The following ACACA variants were observed in gnomAD, a reference collection of about 807,000 sequenced individuals.
ACACA encodes the protein acetyl-CoA carboxylase alpha.
Under a neutral mutation model 296.1 loss-of-function variants are expected in ACACA, and 103 were observed. The ratio of observed to expected loss-of-function variants is 0.35; its 90% confidence interval spans 0.30 to 0.41. The LOEUF is 0.41. Ranked by LOEUF, ACACA falls within the 10% of genes least tolerant of loss-of-function variation. The probability of loss-of-function intolerance (pLI) is 1.00; values close to 1 mark genes in which losing one functional copy is unlikely to be tolerated. For synonymous variants in ACACA, 953 were observed against 1,038.6 expected (o/e 0.92, Z 1.58); for missense variants, 1,554 against 2,989.7 (o/e 0.52, Z 11.20).
chr17:37,224,959 G>C, intron 27 of ACACA, 33 bp downstream of exon 27: 1 of 1,032,212 alleles, frequency 9.7e-7, no homozygotes, highest in Non-Finnish European at 1.3e-6. Flanking sequence ...AGATAGGCAG[G>C]AAAGGGTTAT....
chr17:37,175,745 CCTACT>C (rs2077088500), intron 41 of ACACA, among the ~76,000 whole-genome samples: 2 of 152,144 alleles, frequency 1.3e-5, no homozygotes, highest in Non-Finnish European at 2.9e-5. Context: ...CTTTTTTATT[CCTACT>C]CTAAAGTCAT....
intron 45 of ACACA, among the ~76,000 whole-genome samples, chr17:37,144,891 T>G (rs1159658586): frequency 6.6e-6 from 1 of 152,144 alleles, no homozygotes; most frequent in Non-Finnish European, 1.5e-5. Context: ...ATCTATCACC[T>G]GCATATCACT....
chr17:37,311,722 A>G (rs1189096286), intron 3 of ACACA, among the ~76,000 whole-genome samples: 1 of 152,024 alleles, frequency 6.6e-6, no homozygotes, highest in Non-Finnish European at 1.5e-5. Flanking sequence ...AAAGCTTCAT[A>G]TTAGTTGGGC....
At chr17:37,115,458 A>G (rs1489084896) in intron 50 of ACACA, among the ~76,000 whole-genome samples, 1 of 152,194 alleles carries the variant, frequency 6.6e-6, no homozygotes, top group East Asian at 1.9e-4. Flanking sequence ...AGATAAAAGG[A>G]GAAAATAAAG....
intron 1 of ACACA, among the ~76,000 whole-genome samples, chr17:37,357,685 T>TG (rs768176941): frequency 2.2e-4 from 34 of 152,210 alleles, no homozygotes; most frequent in East Asian, 7.7e-4. Context: ...GCAAGAGAAG[T>TG]GGGAAAAAAC....
intron 1 of ACACA, among the ~76,000 whole-genome samples, chr17:37,366,343 A>G (rs1278410554): frequency 6.6e-6 from 1 of 152,164 alleles, no homozygotes; most frequent in Non-Finnish European, 1.5e-5. Context: ...AACATTAATA[A>G]TTTTGTAGAG....
In ACACA at chr17:37,211,587, T is replaced by G. The variant is rs577467232; in HGVS notation, c.3684-1097A>C. On this transcript the variant is annotated intron_variant, in intron 29 of 55. Coordinates refer to ENST00000616317, the MANE Select transcript of ACACA (RefSeq NM_198834.3). ...CAGCATTTAATCACTGTTGGGGTTTTCTAGCACACAGAGGACTTAATGGGC... is the reference window on the plus strand; with the variant it reads ...CAGCATTTAATCACTGTTGGGGTTTGCTAGCACACAGAGGACTTAATGGGC... Among the ~76,000 whole-genome samples the G allele has an allele frequency of 1.9e-4, 29 of 152,348 alleles. No homozygotes were observed. The South Asian group carries it at 5.4e-3, about 28-fold the overall frequency.
chr17:37,207,890 A>C, intron 30 of ACACA, 90 bp from the exon 31 acceptor site: 2 of 1,488,554 alleles, frequency 1.3e-6, no homozygotes, highest in Admixed American at 3.4e-5. Flanking sequence ...CTAGGAGAAA[A>C]CTCTGAAGTA....
intron 1 of ACACA, among the ~76,000 whole-genome samples, chr17:37,352,834 A>G (rs1383910385): frequency 6.6e-6 from 1 of 152,222 alleles, no homozygotes; most frequent in Non-Finnish European, 1.5e-5. Context: ...ATTACCTAAC[A>G]GAGATCTATG....
chr17:37,230,688 C>T (rs1415102297), intron 25 of ACACA, among the ~76,000 whole-genome samples: 2 of 152,208 alleles, frequency 1.3e-5, no homozygotes, highest in Non-Finnish European at 2.9e-5. Context: ...TAACATCCAA[C>T]AGGAAGTTTA....
chr17:37,379,195 G>A, intron 1 of ACACA: 1 of 1,613,980 alleles, frequency 6.2e-7, no homozygotes, highest in Non-Finnish European at 8.5e-7. Flanking sequence ...TAGCTACCCT[G>A]CAGTGCCTTG....
In ACACA at chr17:37,390,175, T is replaced by TATATATATAC. The variant is rs60788220; in HGVS notation, c.38+16086_38+16087insGTATATATAT. 1.1e-3 allele frequency among the ~76,000 whole-genome samples: 47 copies of TATATATATAC among 44,502 alleles called. 1 individual carries two copies. Among genetic ancestry groups the TATATATATAC allele is most frequent in the African/African-American group, 3.4e-3 (29 of 8,582 alleles). 29.2% of individuals were successfully genotyped at this position (44,502 alleles called of 152,430 possible). On this transcript the variant is annotated intron_variant, in intron 1 of 55. Transcript: ENST00000616317. ...ATATATATATATATATATATATATA[T>TATATATATAC]ACACACACACATTATATATAAATAT...
intron 52 of ACACA, among the ~76,000 whole-genome samples, chr17:37,101,257 G>A (rs1171891735): frequency 6.6e-6 from 1 of 152,144 alleles, no homozygotes; most frequent in Non-Finnish European, 1.5e-5. Flanking sequence ...AAAAAGCATT[G>A]TATTATTCTT....
At chr17:37,257,976 C>T (rs946383423) in intron 13 of ACACA, 110 bp from the exon 14 acceptor site, 7 of 1,421,446 alleles carry the variant, frequency 4.9e-6, no homozygotes, top group Non-Finnish European at 4.9e-6. Context: ...AGAGAAGACA[C>T]ACAAAAATGA....
chr17:37,278,033 A>G, intron 5 of ACACA, 28 bp from the exon 6 acceptor site: 1 of 1,553,502 alleles, frequency 6.4e-7, no homozygotes, highest in Non-Finnish European at 8.9e-7. Flanking sequence ...TTAATAGAGA[A>G]CACATGATTT....
At chr17:37,184,670 TG>T (rs2144949794) in intron 39 of ACACA, among the ~76,000 whole-genome samples, 1 of 152,106 alleles carries the variant, frequency 6.6e-6, no homozygotes, top group East Asian at 1.9e-4. Flanking sequence ...GGCAACATTG[TG>T]GGACCCTGTC....
intron 33 of ACACA, among the ~76,000 whole-genome samples, chr17:37,202,800 A>G (rs890435999): frequency 6.7e-6 from 1 of 148,922 alleles, no homozygotes; most frequent in African/African-American, 2.5e-5. Context: ...TAGCTTCTCT[A>G]TGCTTAGAGT....
chr17:37,094,286 A>T (rs2142607101), intron 54 of ACACA, among the ~76,000 whole-genome samples: 1 of 152,312 alleles, frequency 6.6e-6, no homozygotes, highest in Middle Eastern at 3.4e-3. Flanking sequence ...TCTCTAAGGG[A>T]AACAAAAGAA....
intron 1 of ACACA, among the ~76,000 whole-genome samples, chr17:37,351,275 A>G (rs1363094472): frequency 6.6e-6 from 1 of 152,178 alleles, no homozygotes; most frequent in East Asian, 1.9e-4. Flanking sequence ...CAGCCTGGCC[A>G]ATATGGTAAA....
Sources: gnomAD v4.1 joint callset for allele counts (sites outside exome capture counted in the v4.1 genomes callset) on GRCh38, gnomAD v4.1.1 for gene constraint, MANE v1.5 for transcripts, NCBI Gene and HGNC (gene_info 2026-07-23, HGNC 2026-07-21) for gene names.